POLR2C: variants seen among roughly 807,000 people sequenced by gnomAD.
The protein encoded by POLR2C is RNA polymerase II subunit C.
In POLR2C, 36 loss-of-function variants were observed where a neutral mutation model predicts 41.7. The observed-to-expected ratio is 0.86, with a 90% CI of 0.66 to 1.14. The LOEUF (loss-of-function observed/expected upper bound fraction) is 1.14, where lower values mean the gene tolerates loss of function less well. Among genes scored for constraint, POLR2C ranks in the 50% most tolerant of loss-of-function variants. The probability of loss-of-function intolerance (pLI) is 0.00; values close to 1 mark genes in which losing one functional copy is unlikely to be tolerated. For synonymous variants in POLR2C, 133 were observed against 137.8 expected (o/e 0.96, Z 0.25); for missense variants, 260 against 350.4 (o/e 0.74, Z 2.06).
chr16:57,469,418 C>T lies in POLR2C; in HGVS notation c.387+125C>T. The T allele has an allele frequency of 9.3e-7, 1 of 1,077,252 alleles. No homozygotes were observed. The highest frequency in any genetic ancestry group is 1.4e-6 in the Non-Finnish European group (1 of 707,762). The allele number at this position is 1,077,252 out of a possible 1,614,324, so 66.7% of individuals were successfully genotyped here. A position where few individuals can be genotyped will look rare whatever the true frequency, so the allele number is the denominator to read the frequency against. On this transcript the variant is annotated intron_variant, in intron 5 of 8. Coordinates refer to ENST00000219252, the MANE Select transcript of POLR2C (RefSeq NM_032940.3). This position sits in a 1 kb window ranked among gnomAD's most constrained non-coding sequence, Gnocchi z 5.8. ...TTTCCCTGTTACCCTCTGCCTTAAT[C>T]TGATCCCTAGAAGTGCTAATTCTGG...
chr16:57,471,374 CCT>C lies in POLR2C; in HGVS notation c.*256_*257del, dbSNP rs2030834490. The C allele has an allele frequency of 2.2e-6, 1 of 456,618 alleles. No individual in the cohort carries two copies. The highest frequency in any genetic ancestry group is 4.0e-6 in the Non-Finnish European group (1 of 252,754). 28.3% of individuals were successfully genotyped at this position (456,618 alleles called of 1,614,324 possible). On this transcript the variant is annotated 3_prime_UTR_variant, in exon 9 of 9. Transcript: ENST00000219252. ...AGTGCTCCCCAGATCCCAGAAGGTC[CCT>C]GCTGGAGTGTTTCCAGTGCACCTGT...
At position 57,469,646 on chromosome 16, in the gene POLR2C, T is replaced by C. The variant is rs372035443; in HGVS notation, c.388-64T>C. The C allele has an allele frequency of 3.9e-5, 52 of 1,332,722 alleles. No individual in the cohort carries two copies. Among genetic ancestry groups the C allele is most frequent in the Non-Finnish European group, 5.3e-5 (49 of 923,864 alleles). 82.6% of individuals were successfully genotyped at this position (1,332,722 alleles called of 1,614,324 possible). A position where few individuals can be genotyped will look rare whatever the true frequency, so the allele number is the denominator to read the frequency against. On this transcript the variant is annotated intron_variant, in intron 5 of 8. Transcript: ENST00000219252. The surrounding 1 kb of genome is among the most constrained non-coding windows in gnomAD (Gnocchi z 5.8). ...ATTGCAGTCTAGAGGTGCTGGGATATGGATGCCAGAGGAGGTGACTGGGGA... is the reference window on the plus strand; with the variant it reads ...ATTGCAGTCTAGAGGTGCTGGGATACGGATGCCAGAGGAGGTGACTGGGGA...
intron 4 of POLR2C, 63 bp downstream of exon 4, chr16:57,466,290 T>C: frequency 9.2e-7 from 1 of 1,090,466 alleles, no homozygotes; most frequent in Non-Finnish European, 1.4e-6. Context: ...TCAAAGGGAT[T>C]TTTCCTGACA....
chr16:57,469,818 G>A lies in POLR2C; in HGVS notation c.439+57G>A. 6.4e-7 allele frequency: 1 copy of A among 1,572,166 alleles called. No individual in the cohort carries two copies. Among genetic ancestry groups the A allele is most frequent in the Non-Finnish European group, 8.7e-7 (1 of 1,142,966 alleles). On this transcript the variant is annotated intron_variant, in intron 6 of 8. Coordinates refer to ENST00000219252, the MANE Select transcript of POLR2C (RefSeq NM_032940.3). This position sits in a 1 kb window ranked among gnomAD's most constrained non-coding sequence, Gnocchi z 5.8. ...CAGCGGGAAGGAGGGACCAGACACA[G>A]CCTCTCGTGCTGCCTGGTCTCCTCG...
At position 57,469,091 on chromosome 16, in the gene POLR2C, G is replaced by A; in HGVS notation, c.259-74G>A. On this transcript the variant is annotated intron_variant, in intron 4 of 8. Transcript: ENST00000219252. This position sits in a 1 kb window ranked among gnomAD's most constrained non-coding sequence, Gnocchi z 5.8. Reference sequence around the variant, plus strand: ...TTAAGGAACTGGGCATTAGATGCAGGAAGCCAAGACAAGGAGCCAAGGCAG... The same window carrying A: ...TTAAGGAACTGGGCATTAGATGCAGAAAGCCAAGACAAGGAGCCAAGGCAG... 6.7e-7 allele frequency: 1 copy of A among 1,499,270 alleles called. No individual in the cohort carries two copies. The highest frequency in any genetic ancestry group is 1.2e-5 in the South Asian group (1 of 84,750). 92.9% of individuals were successfully genotyped at this position (1,499,270 alleles called of 1,614,324 possible).
rs183390993 is a variant in POLR2C, at chr16:57,463,395, T to C, written c.136+317T>C. Reference sequence around the variant, plus strand: ...AAAGTTTTTAAAATGTTTTCAACTTTTATTTTGGAGTCAAGGGGTACATTG... The same window carrying C: ...AAAGTTTTTAAAATGTTTTCAACTTCTATTTTGGAGTCAAGGGGTACATTG... On this transcript the variant is annotated intron_variant, in intron 2 of 8. Coordinates refer to ENST00000219252, the MANE Select transcript of POLR2C (RefSeq NM_032940.3). 5.4e-5 allele frequency: 26 copies of C among 482,826 alleles called. No homozygotes were observed. In the Admixed American group the frequency reaches 6.2e-4, roughly 12 times the overall value. The allele number at this position is 482,826 out of a possible 1,614,324, so 29.9% of individuals were successfully genotyped here.
intron 2 of POLR2C, among the ~76,000 whole-genome samples, chr16:57,464,692 A>G (rs2030661532): frequency 1.1e-5 from 1 of 92,202 alleles, no homozygotes; most frequent in South Asian, 3.9e-4. Flanking sequence ...CACTTCTTAA[A>G]TTCAGCTTGG....
At position 57,470,987 on chromosome 16, in the gene POLR2C, T is replaced by C. The variant is rs369879204; in HGVS notation, c.696T>C (p.Asn232=). 1.2e-5 allele frequency: 19 copies of C among 1,613,940 alleles called. No homozygotes were observed. The highest frequency in any genetic ancestry group is 1.3e-5 in the African/African-American group (1 of 74,900). The change falls in exon 9 of 9, where the codon AAT becomes AAC. Residue 232 remains asparagine (N), a synonymous_variant. Coordinates refer to ENST00000219252, the MANE Select transcript of POLR2C (RefSeq NM_032940.3). Reference sequence around the variant, plus strand: ...TCTTGCCTCCTAGGTTTTACTACAATGTGGAGTCCTGTGGCTCTCTGCGTC... The same window carrying C: ...TCTTGCCTCCTAGGTTTTACTACAACGTGGAGTCCTGTGGCTCTCTGCGTC... ...PNGKPERFYY[N]VESCGSLRPE...
intron 1 of POLR2C, 50 bp downstream of exon 1, chr16:57,462,860 CA>C (rs777075881): frequency 5.0e-5 from 65 of 1,312,304 alleles, no homozygotes; most frequent in Non-Finnish European, 6.7e-5. Context: ...CCGGGAGGCC[CA>C]AGCCGGGGCC....
Position 57,462,686 on chromosome 16 carries a change from C to G in POLR2C, c.-39C>G, listed in dbSNP as rs770672876. ...TGTTGGCGGTGGCGCCGCGCAGTCACCGCGGAGCAGACGCGGAGGCTGGTG... is the reference window on the plus strand; with the variant it reads ...TGTTGGCGGTGGCGCCGCGCAGTCAGCGCGGAGCAGACGCGGAGGCTGGTG... On this transcript the variant is annotated 5_prime_UTR_variant, in exon 1 of 9. Transcript: ENST00000219252. 1 of 1,505,966 alleles carries G rather than the reference C, an allele frequency of 6.6e-7. No individual in the cohort carries two copies. The highest frequency in any genetic ancestry group is 1.9e-5 in the Admixed American group (1 of 52,994). 93.3% of individuals were successfully genotyped at this position (1,505,966 alleles called of 1,614,324 possible). A position where few individuals can be genotyped will look rare whatever the true frequency, so the allele number is the denominator to read the frequency against.
intron 4 of POLR2C, among the ~76,000 whole-genome samples, chr16:57,466,534 G>A (rs188798060): frequency 1.2e-3 from 190 of 152,282 alleles, no homozygotes; most frequent in South Asian, 2.3e-3. Flanking sequence ...GATGCTACAG[G>A]AGTCAACAGA....
At chr16:57,464,922 T>G (rs2030666754) in intron 2 of POLR2C, among the ~76,000 whole-genome samples, 1 of 152,174 alleles carries the variant, frequency 6.6e-6, no homozygotes, top group African/African-American at 2.4e-5. Flanking sequence ...GCTTGAGGTA[T>G]AGACATAACA....
rs778792663 is a variant in POLR2C, at chr16:57,462,715, C to G, written c.-10C>G. ...GGAGCAGACGCGGAGGCTGGTGGCC[C>G]CTGGGCGAGATGCCGTACGCCAACC... On this transcript the variant is annotated 5_prime_UTR_variant, in exon 1 of 9. Coordinates refer to ENST00000219252, the MANE Select transcript of POLR2C (RefSeq NM_032940.3). The G allele has an allele frequency of 1.4e-5, 23 of 1,590,160 alleles. No homozygotes were observed. Among genetic ancestry groups the G allele is most frequent in the South Asian group, 1.0e-4 (9 of 87,824 alleles).
intron 4 of POLR2C, among the ~76,000 whole-genome samples, chr16:57,466,546 G>A (rs1300770861): frequency 6.6e-6 from 1 of 152,196 alleles, no homozygotes; most frequent in Non-Finnish European, 1.5e-5. Context: ...GTCAACAGAA[G>A]GTTGGGGTAG....
At chr16:57,467,696 C>G (rs2030744475) in intron 4 of POLR2C, among the ~76,000 whole-genome samples, 2 of 152,312 alleles carry the variant, frequency 1.3e-5, no homozygotes, top group East Asian at 3.9e-4. Context: ...CTAACACTTC[C>G]AAGTACTTCA....
chr16:57,469,356 TGGG>T lies in POLR2C; in HGVS notation c.387+64_387+66del. On this transcript the variant is annotated intron_variant, in intron 5 of 8. Coordinates refer to ENST00000219252, the MANE Select transcript of POLR2C (RefSeq NM_032940.3). This position sits in a 1 kb window ranked among gnomAD's most constrained non-coding sequence, Gnocchi z 5.8. ...TTTCTCTTCTCTGGCTGGCTCCAAG[TGGG>T]CCAGACTGGGGTTGATCCTTAGAAA... 1 of 1,548,460 alleles carries T rather than the reference TGGG, an allele frequency of 6.5e-7. No individual in the cohort carries two copies. The highest frequency in any genetic ancestry group is 2.2e-5 in the East Asian group (1 of 44,588).
In POLR2C at chr16:57,469,827, G is replaced by C; in HGVS notation, c.439+66G>C. 6.4e-7 allele frequency: 1 copy of C among 1,567,242 alleles called. No individual in the cohort carries two copies. The highest frequency in any genetic ancestry group is 8.8e-7 in the Non-Finnish European group (1 of 1,138,230). On this transcript the variant is annotated intron_variant, in intron 6 of 8. Transcript: ENST00000219252. This position sits in a 1 kb window ranked among gnomAD's most constrained non-coding sequence, Gnocchi z 5.8. The stretch of plus-strand genomic sequence containing the variant: ...GGAGGGACCAGACACAGCCTCTCGT[G>C]CTGCCTGGTCTCCTCGAAAATTGGC...
chr16:57,462,844 G>C, intron 1 of POLR2C, 34 bp downstream of exon 1: 1 of 1,551,276 alleles, frequency 6.4e-7, no homozygotes, highest in Non-Finnish European at 8.8e-7. Flanking sequence ...TGGCGGCTCT[G>C]GGGCGCCGGG....
chr16:57,470,322 G>GGCTCCC lies in POLR2C; in HGVS notation c.652_657dup (p.Ala218_Pro219dup). On this transcript the variant is annotated inframe_insertion, in exon 8 of 9. Coordinates refer to ENST00000219252, the MANE Select transcript of POLR2C (RefSeq NM_032940.3). ...CGGAGCTGGATGAGGATGAGTCGCA[G>GGCTCCC]GCTCCCTATGACCCCAACGGCAAGC... The GGCTCCC allele has an allele frequency of 6.2e-7, 1 of 1,612,110 alleles. No homozygotes were observed. The highest frequency in any genetic ancestry group is 8.5e-7 in the Non-Finnish European group (1 of 1,179,024).
Sources: gnomAD v4.1 joint callset for allele counts (sites outside exome capture counted in the v4.1 genomes callset) on GRCh38, gnomAD v4.1.1 for gene constraint, Gnocchi (gnomAD v3.1) non-coding constraint, MANE v1.5 for transcripts, NCBI Gene and HGNC (gene_info 2026-07-23, HGNC 2026-07-21) for gene names.